Variants in TECR observed in about 807,000 individuals in gnomAD.
The protein encoded by TECR is trans-2,3-enoyl-CoA reductase.
In TECR, 19 loss-of-function variants were observed where a neutral mutation model predicts 50.6. The ratio of observed to expected loss-of-function variants is 0.38; its 90% CI spans 0.26 to 0.55. The LOEUF is 0.55. Ranked by LOEUF, TECR falls within the 20% of genes least tolerant of loss-of-function variation. The pLI is 0.79. For missense variants in TECR, 313 were observed against 408.3 expected, an observed-to-expected ratio of 0.77 and a Z score of 2.01; for synonymous variants, 168 against 163.5, an observed-to-expected ratio of 1.03 and a Z score of -0.21.
chr19:14,549,819 C>T (rs903014283), intron 1 of TECR, among the ~76,000 whole-genome samples: 1 of 151,714 alleles, frequency 6.6e-6, no homozygotes, highest in Non-Finnish European at 1.5e-5. Flanking sequence ...GGCATGCACC[C>T]GTAATCCCAG....
At chr19:14,560,548 C>T (rs1050875334) in intron 1 of TECR, among the ~76,000 whole-genome samples, 2 of 152,236 alleles carry the variant, frequency 1.3e-5, no homozygotes, top group African/African-American at 4.8e-5. Context: ...CAACGTCCTG[C>T]GTGGTGTGAC....
intron 1 of TECR, among the ~76,000 whole-genome samples, chr19:14,555,811 C>G (rs1204987766): frequency 6.6e-6 from 1 of 152,172 alleles, no homozygotes; most frequent in Admixed American, 6.5e-5. Context: ...GTCTTGAACT[C>G]CTGGGCTTAA....
chr19:14,552,760 TCTC>T (rs2073578035), intron 1 of TECR, among the ~76,000 whole-genome samples: 1 of 151,902 alleles, frequency 6.6e-6, no homozygotes, highest in African/African-American at 2.4e-5. Flanking sequence ...ATGGTCTTGA[TCTC>T]CTGACCTCGT....
At chr19:14,547,636 A>G (rs57190968) in intron 1 of TECR, among the ~76,000 whole-genome samples, 323 of 150,026 alleles carry the variant, frequency 2.2e-3, no homozygotes, top group African/African-American at 7.5e-3. Flanking sequence ...TTCTGGGATT[A>G]CAGGTGTGAG....
At chr19:14,555,988 C>G (rs1269667929) in intron 1 of TECR, among the ~76,000 whole-genome samples, 1 of 152,164 alleles carries the variant, frequency 6.6e-6, no homozygotes, top group Admixed American at 6.5e-5. Context: ...CTGGGGAAGC[C>G]AAGTCTTGAA....
At chr19:14,562,684 C>G in intron 2 of TECR, 109 bp downstream of exon 2, 1 of 1,268,526 alleles carries the variant, frequency 7.9e-7, no homozygotes, top group Admixed American at 1.7e-5. Flanking sequence ...ACCCCCTGCC[C>G]TATGGAGGGG....
intron 7 of TECR, 49 bp from the exon 8 acceptor site, chr19:14,564,737 C>T (rs540559036): frequency 1.3e-6 from 2 of 1,561,164 alleles, no homozygotes; most frequent in Non-Finnish European, 1.8e-6. Flanking sequence ...GCAGCATCTG[C>T]CTTGTCCGGT....
intron 1 of TECR, among the ~76,000 whole-genome samples, chr19:14,556,612 CA>C (rs1327652455): frequency 6.6e-6 from 1 of 152,054 alleles, no homozygotes; most frequent in Non-Finnish European, 1.5e-5. Context: ...GGAACTGGAA[CA>C]GTGCCTGGGG....
In TECR at chr19:14,543,723, C is replaced by A. The variant is rs899171732; in HGVS notation, c.15+14012C>A. Among the ~76,000 whole-genome samples, 10 of 149,770 alleles carry A rather than the reference C, an allele frequency of 6.7e-5. No individual in the cohort carries two copies. The Admixed American group carries it at 6.7e-4, about 10-fold the overall frequency. ...AAAGTGCTGGGATTACAGGCGTGAG[C>A]CACCGCGCCCGGCTATATATATATT... On this transcript the variant is annotated intron_variant, in intron 1 of 12. Coordinates refer to ENST00000215567, the MANE Select transcript of TECR (RefSeq NM_138501.6).
chr19:14,529,782 G>A (rs1183844671), intron 1 of TECR, 71 bp downstream of exon 1: 1 of 1,607,668 alleles, frequency 6.2e-7, no homozygotes, highest in Admixed American at 1.7e-5. Flanking sequence ...CGGGACCACG[G>A]GACCCCACTT....
intron 1 of TECR, among the ~76,000 whole-genome samples, chr19:14,556,160 C>G (rs908099538): frequency 3.9e-5 from 6 of 152,348 alleles, no homozygotes; most frequent in African/African-American, 1.4e-4. Flanking sequence ...CTGACTCACT[C>G]TGCTCAGGCC....
rs1417017101 is a variant in TECR, at chr19:14,565,642, A to G, written c.778A>G (p.Ile260Val). The G allele has an allele frequency of 1.9e-6, 3 of 1,612,472 alleles. No individual in the cohort carries two copies. The highest frequency in any genetic ancestry group is 4.5e-5 in the East Asian group (2 of 44,868). ...GGTGGGGTCCTGGATCGGTTTCGCC[A>G]TCATGACGCAGTGTCTCCCAGGTGA... Reference protein sequence around the residue: ...YEVGSWIGFAIMTQCLPVALF... With the variant: ...YEVGSWIGFAVMTQCLPVALF... The change falls in exon 12 of 13, where the codon ATC (isoleucine) becomes GTC (valine). Residue 260 changes from isoleucine (I) to valine (V), a missense_variant. Ile to Val is a conservative substitution (Grantham distance 29). Transcript: ENST00000215567.
At chr19:14,539,680 C>T (rs1029124131) in intron 1 of TECR, among the ~76,000 whole-genome samples, 1 of 152,140 alleles carries the variant, frequency 6.6e-6, no homozygotes, top group Non-Finnish European at 1.5e-5. Context: ...GCCCTAAGCA[C>T]ATGCTATTCC....
chr19:14,541,652 T>C (rs1170699536), intron 1 of TECR, among the ~76,000 whole-genome samples: 2 of 152,174 alleles, frequency 1.3e-5, no homozygotes, highest in Non-Finnish European at 2.9e-5. Context: ...AGAATGGTGT[T>C]CTAGGCAGAG....
chr19:14,549,245 A>G (rs1599457354), intron 1 of TECR, among the ~76,000 whole-genome samples: 1 of 120,498 alleles, frequency 8.3e-6, no homozygotes, highest in South Asian at 2.9e-4. Context: ...ATGGAGTCTC[A>G]CTCTGTCGCC....
At position 14,563,699 on chromosome 19, in the gene TECR, C is replaced by T; in HGVS notation, c.160C>T (p.Pro54Ser). The T allele has an allele frequency of 1.9e-6, 3 of 1,613,212 alleles. No homozygotes were observed. The highest frequency in any genetic ancestry group is 1.7e-6 in the Non-Finnish European group (2 of 1,179,908). The part of the protein sequence containing the change: ...YPARQSLRLD[P>S]KGKSLKDEDV... ...CGCCCGCCAGTCCCTCCGCCTGGAC[C>T]CCAGTGAGTACAGCTGTCCACTCGG... The change falls in exon 4 of 13, where the codon CCC becomes TCC. Residue 54 changes from proline (P) to serine (S), a missense_variant. Physicochemically the swap from Pro to Ser is moderately conservative, Grantham distance 74. Transcript: ENST00000215567. This position sits in a 1 kb window ranked among gnomAD's most constrained non-coding sequence, Gnocchi z 5.3.
intron 1 of TECR, among the ~76,000 whole-genome samples, chr19:14,543,966 G>A (rs972412717): frequency 1.4e-4 from 21 of 150,830 alleles, no homozygotes; most frequent in Non-Finnish European, 4.4e-5. Context: ...TCGAACTCCT[G>A]ACCTCAAATG....
rs71166754 is a variant in TECR at position 14,542,347 on chromosome 19, G to GTTTTT, written c.15+12661_15+12665dup. 5.5e-4 allele frequency among the ~76,000 whole-genome samples: 24 copies of GTTTTT among 43,292 alleles called. 2 individuals carry two copies. Among genetic ancestry groups the GTTTTT allele is most frequent in the South Asian group, 2.8e-3 (3 of 1,080 alleles). 28.4% of individuals were successfully genotyped at this position (43,292 alleles called of 152,430 possible). A position where few individuals can be genotyped will look rare whatever the true frequency, so the allele number is the denominator to read the frequency against. On this transcript the variant is annotated intron_variant, in intron 1 of 12. Coordinates refer to ENST00000215567, the MANE Select transcript of TECR (RefSeq NM_138501.6). Reference sequence around the variant, plus strand: ...CCTCAGGGGGCCCTCATGCCATAGTGTTTTTTTTTTTTTTTTTTTTTTTTT... The same window carrying GTTTTT: ...CCTCAGGGGGCCCTCATGCCATAGTGTTTTTTTTTTTTTTTTTTTTTTTTTTTTTT...
chr19:14,541,945 T>C (rs1008322580), intron 1 of TECR, among the ~76,000 whole-genome samples: 1 of 151,990 alleles, frequency 6.6e-6, no homozygotes, highest in African/African-American at 2.4e-5. Context: ...CCACCACGCC[T>C]GGCGTATTTT....
Sources: allele counts gnomAD v4.1 joint callset (sites outside exome capture counted in the v4.1 genomes callset), GRCh38; gene constraint gnomAD v4.1.1; non-coding constraint Gnocchi (gnomAD v3.1); transcripts MANE v1.5; gene names NCBI Gene and HGNC (gene_info 2026-07-23, HGNC 2026-07-21).